The following CNNM2 variants were observed in gnomAD, a reference collection of about 807,000 sequenced individuals.
CNNM2 encodes metal transporter CNNM2.
In CNNM2, 12 loss-of-function variants were observed where a neutral mutation model predicts 66.9. That is an observed-to-expected ratio of 0.18 (90% CI 0.11 to 0.29). The LOEUF is 0.29. Among genes scored for constraint, CNNM2 ranks in the 10% least tolerant of loss-of-function variants. The probability of loss-of-function intolerance (pLI) is 1.00; values close to 1 mark genes in which losing one functional copy is unlikely to be tolerated. For synonymous variants in CNNM2, 557 were observed against 501.8 expected (o/e 1.11, Z -1.47); for missense variants, 705 against 1,167.7 (o/e 0.60, Z 5.77).
chr10:102,945,613 C>G (rs756115057), intron 1 of CNNM2, among the ~76,000 whole-genome samples: 4 of 152,030 alleles, frequency 2.6e-5, no homozygotes, highest in Non-Finnish European at 5.9e-5. Context: ...TCCAGGCTCT[C>G]TCCTCTCTCT....
intron 1 of CNNM2, among the ~76,000 whole-genome samples, chr10:103,034,359 C>A (rs2064889446): frequency 7.2e-6 from 1 of 138,752 alleles, no homozygotes; most frequent in Non-Finnish European, 1.6e-5. Context: ...ACAAAAAAAA[C>A]CATTACTTTC....
intron 1 of CNNM2, among the ~76,000 whole-genome samples, chr10:102,954,979 A>G (rs1236720843): frequency 1.3e-5 from 2 of 152,214 alleles, no homozygotes; most frequent in African/African-American, 4.8e-5. Context: ...ATTCGATGCC[A>G]TCCCCATCAA....
At chr10:102,962,835 G>A (rs1033461502) in intron 1 of CNNM2, among the ~76,000 whole-genome samples, 10 of 151,922 alleles carry the variant, frequency 6.6e-5, no homozygotes, top group Non-Finnish European at 4.4e-5. Flanking sequence ...AATTTCTTCC[G>A]TGAGCATTTA....
intron 1 of CNNM2, chr10:103,027,506 A>G (rs1267141834): frequency 6.6e-6 from 1 of 152,224 alleles, no homozygotes; most frequent in Non-Finnish European, 1.5e-5. Context: ...CGATGCACCC[A>G]GCTGCAAAAT....
chr10:102,940,572 C>A (rs1424231813), intron 1 of CNNM2, among the ~76,000 whole-genome samples: 21 of 150,324 alleles, frequency 1.4e-4, no homozygotes, highest in Admixed American at 1.4e-3. Flanking sequence ...GTGCCTGCCA[C>A]CATGCCTGGC....
chr10:103,022,276 C>T (rs2064599109), intron 1 of CNNM2, among the ~76,000 whole-genome samples: 1 of 152,174 alleles, frequency 6.6e-6, no homozygotes. Flanking sequence ...TTTCATATGC[C>T]AAGCATTGTG....
At position 102,992,910 on chromosome 10, in the gene CNNM2, A is replaced by G. The variant is rs17115325; in HGVS notation, c.1622-56797A>G. Among the ~76,000 whole-genome samples the G allele has an allele frequency of 4.1e-3, 623 of 152,206 alleles. 20 individuals carry two copies. In the East Asian group the frequency reaches 0.073, roughly 18 times the overall value. ...CTAGGGTATCTGTGATCTAGGAGGGATTTTTGATAGTGGTAAACAGTAGAT... is the reference window on the plus strand; with the variant it reads ...CTAGGGTATCTGTGATCTAGGAGGGGTTTTTGATAGTGGTAAACAGTAGAT... On this transcript the variant is annotated intron_variant, in intron 1 of 7. Transcript: ENST00000369878.
chr10:102,944,512 C>T (rs1032645475), intron 1 of CNNM2, among the ~76,000 whole-genome samples: 1 of 151,882 alleles, frequency 6.6e-6, no homozygotes, highest in African/African-American at 2.4e-5. Flanking sequence ...TTAATTGGTA[C>T]AATGAATTCC....
At chr10:103,044,894 A>G (rs1009192211) in intron 1 of CNNM2, among the ~76,000 whole-genome samples, 3 of 152,244 alleles carry the variant, frequency 2.0e-5, no homozygotes, top group African/African-American at 7.2e-5. Flanking sequence ...GGCCCTTTCC[A>G]GCCAAATCTG....
chr10:102,953,974 C>T (rs1846937248), intron 1 of CNNM2, among the ~76,000 whole-genome samples: 1 of 152,114 alleles, frequency 6.6e-6, no homozygotes, highest in African/African-American at 2.4e-5. Flanking sequence ...ATTTATAAGT[C>T]AGGAAACCAA....
intron 1 of CNNM2, among the ~76,000 whole-genome samples, chr10:102,971,973 T>C (rs2063553371): frequency 1.3e-5 from 2 of 152,216 alleles, no homozygotes; most frequent in Admixed American, 1.3e-4. Context: ...GTTTGTGTCT[T>C]TTAATTGGTT....
At position 103,068,644 on chromosome 10, in the gene CNNM2, G is replaced by A. The variant is rs750081285; in HGVS notation, c.2089G>A (p.Glu697Lys). 1 of 1,612,410 alleles carries A rather than the reference G, an allele frequency of 6.2e-7. No homozygotes were observed. Among genetic ancestry groups the A allele is most frequent in the Non-Finnish European group, 8.5e-7 (1 of 1,179,276 alleles). ...CTCTCCACAGGGGAAAGTGGAAGTT[G>A]AAGCTGGGAAAGAAGGTATGAAGTT... ...VLILQGKVEV[E>K]AGKEGMKFEA... The change falls in exon 5 of 8, where the codon GAA becomes AAA. Residue 697 changes from glutamate to lysine, a missense_variant. Physicochemically the swap from Glu to Lys is moderately conservative, Grantham distance 56. Coordinates refer to ENST00000369878, the MANE Select transcript of CNNM2 (RefSeq NM_017649.5).
chr10:102,964,997 C>T (rs564807460), intron 1 of CNNM2, among the ~76,000 whole-genome samples: 7 of 152,288 alleles, frequency 4.6e-5, no homozygotes, highest in African/African-American at 1.4e-4. Flanking sequence ...GAAGACACAG[C>T]GTTCCTCCCC....
chr10:102,977,343 A>C (rs551495783), intron 1 of CNNM2, among the ~76,000 whole-genome samples: 7 of 152,248 alleles, frequency 4.6e-5, no homozygotes, highest in African/African-American at 1.7e-4. Flanking sequence ...TCCAGTGAAC[A>C]TTTCTTCTGA....
Position 103,087,509 on chromosome 10 carries a change from T to C in CNNM2, c.*10329T>C, listed in dbSNP as rs537246723. The C allele has an allele frequency of 1.3e-5, 2 of 152,158 alleles. No homozygotes were observed. Among genetic ancestry groups the C allele is most frequent in the East Asian group, 3.9e-4 (2 of 5,194 alleles). The allele number at this position is 152,158 out of a possible 1,614,324, so 9.4% of individuals were successfully genotyped here. A position where few individuals can be genotyped will look rare whatever the true frequency, so the allele number is the denominator to read the frequency against. On this transcript the variant is annotated 3_prime_UTR_variant, in exon 8 of 8. Transcript: ENST00000369878. ...TCATCTGGCTAGTAAGACACTCTTATATGGATGCAATACAAAAAGTGGTAA... is the reference window on the plus strand; with the variant it reads ...TCATCTGGCTAGTAAGACACTCTTACATGGATGCAATACAAAAAGTGGTAA...
chr10:103,065,198 G>C (rs1014411502), intron 4 of CNNM2, among the ~76,000 whole-genome samples: 1 of 152,208 alleles, frequency 6.6e-6, no homozygotes, highest in African/African-American at 2.4e-5. Flanking sequence ...GAGAGGCCAG[G>C]GCACACAGTT....
intron 6 of CNNM2, among the ~76,000 whole-genome samples, chr10:103,072,483 C>T (rs1459863146): frequency 1.3e-5 from 2 of 149,440 alleles, no homozygotes; most frequent in Non-Finnish European, 3.0e-5. Flanking sequence ...CCGCTTCTCC[C>T]CGCCACCAGG....
chr10:103,068,257 G>A (rs1271012591), intron 4 of CNNM2, among the ~76,000 whole-genome samples: 1 of 152,082 alleles, frequency 6.6e-6, no homozygotes, highest in Non-Finnish European at 1.5e-5. Flanking sequence ...TAATCCCTTT[G>A]GGAGCACTTT....
At position 102,943,242 on chromosome 10, in the gene CNNM2, C is replaced by A. The variant is rs12772775; in HGVS notation, c.1621+23141C>A. Reference sequence around the variant, plus strand: ...TCTGTCTCAAAAAAACAAACAAAAACCAAAAAAACCCACCAAAAACAAAAA... The same window carrying A: ...TCTGTCTCAAAAAAACAAACAAAAAACAAAAAAACCCACCAAAAACAAAAA... On this transcript the variant is annotated intron_variant, in intron 1 of 7. Coordinates refer to ENST00000369878, the MANE Select transcript of CNNM2 (RefSeq NM_017649.5). Among the ~76,000 whole-genome samples the A allele has an allele frequency of 0.31, 47,321 of 151,096 alleles. 7,472 individuals carry two copies. The highest frequency in any genetic ancestry group is 0.37 in the Middle Eastern group (109 of 292).
Sources: gnomAD v4.1 joint callset for allele counts (sites outside exome capture counted in the v4.1 genomes callset) on GRCh38, gnomAD v4.1.1 for gene constraint, MANE v1.5 for transcripts, NCBI Gene and HGNC (gene_info 2026-07-23, HGNC 2026-07-21) for gene names.